GABRB1: variants seen among roughly 807,000 people sequenced by gnomAD.
The protein encoded by GABRB1 is gamma-aminobutyric acid type A receptor subunit beta1, also known as gamma-aminobutyric acid receptor subunit beta-1.
Under a neutral mutation model 51.6 loss-of-function variants are expected in GABRB1, and 17 were observed. The ratio of observed to expected loss-of-function variants is 0.33; its 90% CI spans 0.23 to 0.49. GABRB1 has a LOEUF of 0.49. GABRB1 is among the 20% of genes least tolerant of loss of function. The pLI, the probability that GABRB1 is intolerant of heterozygous loss-of-function variation, is 0.99. For synonymous variants in GABRB1, 247 were observed against 218.9 expected (o/e 1.13, Z -1.14); for missense variants, 410 against 600.6 (o/e 0.68, Z 3.32).
chr4:47,186,129 T>A (rs1479476572), intron 4 of GABRB1, among the ~76,000 whole-genome samples: 3 of 151,486 alleles, frequency 2.0e-5, no homozygotes, highest in African/African-American at 7.3e-5. Flanking sequence ...ACACTGAGCA[T>A]GTCTCTCAAA....
At chr4:47,085,708 T>A (rs1728028483) in intron 3 of GABRB1, among the ~76,000 whole-genome samples, 1 of 152,236 alleles carries the variant, frequency 6.6e-6, no homozygotes, top group African/African-American at 2.4e-5. Context: ...TTTAACATTC[T>A]CTGGATTGAC....
intron 2 of GABRB1, 44 bp from the exon 3 acceptor site, chr4:47,032,373 T>G: frequency 6.6e-7 from 1 of 1,523,052 alleles, no homozygotes; most frequent in Non-Finnish European, 8.9e-7. Flanking sequence ...CAGCCTGCTG[T>G]CACTGAGAGA....
intron 4 of GABRB1, among the ~76,000 whole-genome samples, chr4:47,277,702 G>T (rs1238879613): frequency 6.6e-6 from 1 of 151,632 alleles, no homozygotes; most frequent in Non-Finnish European, 1.5e-5. Context: ...AAAAGGAGAA[G>T]AAAAAACATG....
At chr4:47,240,028 T>C (rs1211879472) in intron 4 of GABRB1, among the ~76,000 whole-genome samples, 1 of 152,346 alleles carries the variant, frequency 6.6e-6, no homozygotes, top group East Asian at 1.9e-4. Flanking sequence ...TCCTTGGATT[T>C]ACATGAATTT....
chr4:47,191,283 A>G (rs565896409), intron 4 of GABRB1, among the ~76,000 whole-genome samples: 44 of 152,234 alleles, frequency 2.9e-4, no homozygotes, highest in African/African-American at 1.0e-3. Flanking sequence ...GTTCCTTTTC[A>G]GGGATGCAGT....
At chr4:47,275,868 T>G (rs1279025182) in intron 4 of GABRB1, among the ~76,000 whole-genome samples, 2 of 152,274 alleles carry the variant, frequency 1.3e-5, no homozygotes, top group East Asian at 3.9e-4. Context: ...ACAGAACCAG[T>G]AGTATTTCTG....
At chr4:47,206,531 A>C (rs920807606) in intron 4 of GABRB1, among the ~76,000 whole-genome samples, 1 of 152,032 alleles carries the variant, frequency 6.6e-6, no homozygotes, top group African/African-American at 2.4e-5. Context: ...ATTGAAAAAT[A>C]AATAAAATAG....
upstream of GABRB1, among the ~76,000 whole-genome samples, chr4:47,029,967 CT>C (rs1200489077): frequency 2.0e-5 from 3 of 152,108 alleles, no homozygotes; most frequent in African/African-American, 7.2e-5. Flanking sequence ...TATTCCTTCT[CT>C]TTTTTTCTTC....
chr4:47,336,422 A>G (rs560066356), intron 5 of GABRB1, among the ~76,000 whole-genome samples: 1 of 152,328 alleles, frequency 6.6e-6, no homozygotes, highest in African/African-American at 2.4e-5. Flanking sequence ...TTTAATCTCA[A>G]CCATAACTCT....
intron 5 of GABRB1, among the ~76,000 whole-genome samples, chr4:47,354,983 T>TC (rs1726504256): frequency 1.1e-5 from 1 of 94,622 alleles, no homozygotes; most frequent in Admixed American, 1.1e-4. Context: ...TTCCTTTGTT[T>TC]TTTTTTTTTT....
intron 4 of GABRB1, among the ~76,000 whole-genome samples, chr4:47,283,591 T>C (rs1034138599): frequency 6.6e-6 from 1 of 151,392 alleles, no homozygotes; most frequent in African/African-American, 2.4e-5. Context: ...GGTTTCACTG[T>C]GTTAGCCAGG....
intron 5 of GABRB1, among the ~76,000 whole-genome samples, chr4:47,385,474 AAG>A (rs1439020810): frequency 6.6e-6 from 1 of 152,214 alleles, no homozygotes; most frequent in Non-Finnish European, 1.5e-5. Flanking sequence ...ACAGGATTTC[AAG>A]ACTGTAAAAG....
At chr4:47,280,003 A>T (rs1415332027) in intron 4 of GABRB1, among the ~76,000 whole-genome samples, 1 of 151,888 alleles carries the variant, frequency 6.6e-6, no homozygotes, top group Non-Finnish European at 1.5e-5. Flanking sequence ...GTAACAATTA[A>T]CATTTTAGGA....
chr4:47,212,135 C>T (rs181458151), intron 4 of GABRB1, among the ~76,000 whole-genome samples: 93 of 152,164 alleles, frequency 6.1e-4, no homozygotes, highest in Middle Eastern at 3.4e-3. Flanking sequence ...AGGTACCTGG[C>T]GTGAAATGTG....
intron 4 of GABRB1, among the ~76,000 whole-genome samples, chr4:47,296,849 A>G: frequency 6.6e-6 from 1 of 152,192 alleles, no homozygotes; most frequent in East Asian, 1.9e-4. Context: ...AACTGACCAC[A>G]CAGTTGGAAG....
intron 3 of GABRB1, among the ~76,000 whole-genome samples, chr4:47,092,849 G>T (rs986038327): frequency 6.6e-6 from 1 of 152,026 alleles, no homozygotes; most frequent in East Asian, 1.9e-4. Flanking sequence ...TCCTGACCTC[G>T]TGATTCACCC....
At chr4:47,139,538 A>T (rs1716823675) in intron 3 of GABRB1, among the ~76,000 whole-genome samples, 1 of 152,006 alleles carries the variant, frequency 6.6e-6, no homozygotes, top group Non-Finnish European at 1.5e-5. Flanking sequence ...GGAGAACCTG[A>T]CAAAATGCAG....
intron 1 of GABRB1, among the ~76,000 whole-genome samples, chr4:47,021,467 G>A (rs929507177): frequency 2.0e-5 from 3 of 152,152 alleles, no homozygotes; most frequent in East Asian, 1.9e-4. Flanking sequence ...GAGGAATCAT[G>A]ATGAAGCTGG....
intron 4 of GABRB1, among the ~76,000 whole-genome samples, chr4:47,219,695 C>T (rs1427846584): frequency 6.6e-6 from 1 of 151,914 alleles, no homozygotes; most frequent in Non-Finnish European, 1.5e-5. Flanking sequence ...TCCCGTGTGT[C>T]ATCTCCATTT....
Sources: allele counts gnomAD v4.1 joint callset (sites outside exome capture counted in the v4.1 genomes callset), GRCh38; gene constraint gnomAD v4.1.1; transcripts MANE v1.5; gene names NCBI Gene and HGNC (gene_info 2026-07-23, HGNC 2026-07-21).